IMMP2L: variants seen among roughly 807,000 people sequenced by gnomAD.
IMMP2L encodes the protein mitochondrial inner membrane protease subunit 2.
Under a neutral mutation model 19.3 loss-of-function variants are expected in IMMP2L, and 18 were observed. That is an observed-to-expected ratio of 0.93 (90% CI 0.64 to 1.38). The LOEUF (loss-of-function observed/expected upper bound fraction) is 1.38, where lower values mean the gene tolerates loss of function less well. Ranked by LOEUF, IMMP2L falls within the 40% of genes most tolerant of loss-of-function variation. The probability of loss-of-function intolerance (pLI) is 0.00; values close to 1 mark genes in which losing one functional copy is unlikely to be tolerated. For missense variants in IMMP2L, 233 were observed against 218.2 expected (o/e 1.07, Z -0.43); for synonymous variants, 76 against 73.0 (o/e 1.04, Z -0.21).
At chr7:110,730,994 C>A (rs1796241124) in intron 5 of IMMP2L, among the ~76,000 whole-genome samples, 1 of 152,138 alleles carries the variant, frequency 6.6e-6, no homozygotes, top group Non-Finnish European at 1.5e-5. Context: ...AAAACTAAAT[C>A]ATAATTAAAC....
chr7:111,213,483 G>C lies in IMMP2L; in HGVS notation c.240-249918C>G, dbSNP rs1811555215. 6.6e-6 allele frequency among the ~76,000 whole-genome samples: 1 copy of C among 152,144 alleles called. No individual in the cohort carries two copies. Among genetic ancestry groups the C allele is most frequent in the Admixed American group, 6.5e-5 (1 of 15,286 alleles). On this transcript the variant is annotated intron_variant, in intron 3 of 5. Transcript: ENST00000405709. The surrounding 1 kb of genome is among the most constrained non-coding windows in gnomAD (Gnocchi z 4.8). ...CTAGCAAGGCCCCACCTTCAAGCTG[G>C]GGAGGGCCTGAAGCCCTCCAGGGGC...
chr7:111,124,343 CT>C, intron 3 of IMMP2L: 1 of 1,613,646 alleles, frequency 6.2e-7, no homozygotes, highest in Non-Finnish European at 8.5e-7. Flanking sequence ...AACAATGGCT[CT>C]TTGAATATTA....
At chr7:111,500,184 A>G (rs2132423493) in intron 2 of IMMP2L, among the ~76,000 whole-genome samples, 1 of 152,284 alleles carries the variant, frequency 6.6e-6, no homozygotes, top group Admixed American at 6.5e-5. Context: ...AGAGGGTCCT[A>G]TGCCCATGGA....
intron 5 of IMMP2L, among the ~76,000 whole-genome samples, chr7:110,732,077 C>T (rs1392465535): frequency 3.3e-5 from 5 of 151,874 alleles, no homozygotes; most frequent in Admixed American, 1.3e-4. Context: ...CTGGGTGGGG[C>T]GGGGTTGGAG....
chr7:111,161,837 T>C (rs1805295735), intron 3 of IMMP2L, among the ~76,000 whole-genome samples: 1 of 152,068 alleles, frequency 6.6e-6, no homozygotes, highest in African/African-American at 2.4e-5. Flanking sequence ...TTTATTCATT[T>C]CATTATAAAT....
chr7:111,176,067 T>C (rs374945009), intron 3 of IMMP2L, among the ~76,000 whole-genome samples: 3 of 151,872 alleles, frequency 2.0e-5, no homozygotes, highest in African/African-American at 7.3e-5. Context: ...GAAACTACAA[T>C]GAGATAACAT....
rs75743323 is a variant in IMMP2L, at chr7:111,229,015, G to A, written c.239+258223C>T. Among the ~76,000 whole-genome samples, 416 of 148,758 alleles carry A rather than the reference G, an allele frequency of 2.8e-3. 2 individuals carry two copies. The highest frequency in any genetic ancestry group is 9.0e-3 in the African/African-American group (363 of 40,346). On this transcript the variant is annotated intron_variant, in intron 3 of 5. Coordinates refer to ENST00000405709, the MANE Select transcript of IMMP2L (RefSeq NM_032549.4). ...TGTGTGTGTGTGTGTGTATCAGCCCGAAACCTCAGAATTGCTAGTTTTTTT... is the reference window on the plus strand; with the variant it reads ...TGTGTGTGTGTGTGTGTATCAGCCCAAAACCTCAGAATTGCTAGTTTTTTT...
At chr7:111,392,158 T>C in intron 3 of IMMP2L, 5 of 603,952 alleles carry the variant, frequency 8.3e-6, no homozygotes, top group Admixed American at 2.8e-5. Flanking sequence ...AGCCCCAAAG[T>C]CACATGGGCA....
chr7:110,699,256 T>A (rs1794090469), intron 5 of IMMP2L, among the ~76,000 whole-genome samples: 1 of 152,158 alleles, frequency 6.6e-6, no homozygotes, highest in African/African-American at 2.4e-5. Context: ...CTCAACTGAA[T>A]CTCTAAGTAC....
chr7:111,221,863 A>G (rs1368356138), intron 3 of IMMP2L, among the ~76,000 whole-genome samples: 1 of 152,056 alleles, frequency 6.6e-6, no homozygotes, highest in African/African-American at 2.4e-5. Flanking sequence ...TATCATTATT[A>G]GAATAGCATA....
intron 4 of IMMP2L, among the ~76,000 whole-genome samples, chr7:110,956,217 C>T (rs1399958599): frequency 6.6e-6 from 1 of 151,966 alleles, no homozygotes; most frequent in East Asian, 1.9e-4. Flanking sequence ...TCCTTAGACT[C>T]AAAGACAAAT....
At chr7:110,802,201 A>T (rs1801299593) in intron 5 of IMMP2L, among the ~76,000 whole-genome samples, 1 of 152,042 alleles carries the variant, frequency 6.6e-6, no homozygotes. Flanking sequence ...ATTAAAAGGA[A>T]GCTTACATTA....
chr7:110,757,514 G>C lies in IMMP2L; in HGVS notation c.409-93793C>G, dbSNP rs974091685. On this transcript the variant is annotated intron_variant, in intron 5 of 5. Coordinates refer to ENST00000405709, the MANE Select transcript of IMMP2L (RefSeq NM_032549.4). This position sits in a 1 kb window ranked among gnomAD's most constrained non-coding sequence, Gnocchi z 4.2. The stretch of plus-strand genomic sequence containing the variant: ...AGGAGGTTATGTGGATTGTAGTAGT[G>C]GGCTCCTTTGCCCTCTGGCTTCCGA... Among the ~76,000 whole-genome samples, 1 of 151,998 alleles carries C rather than the reference G, an allele frequency of 6.6e-6. No homozygotes were observed. The highest frequency in any genetic ancestry group is 6.6e-5 in the Admixed American group (1 of 15,220).
intron 3 of IMMP2L, among the ~76,000 whole-genome samples, chr7:111,336,254 A>G (rs893903137): frequency 6.7e-6 from 1 of 150,238 alleles, no homozygotes. Context: ...GGGTCCCACT[A>G]TGTTGCCCAG....
chr7:111,443,793 A>G (rs1837996689), intron 3 of IMMP2L, among the ~76,000 whole-genome samples: 1 of 152,130 alleles, frequency 6.6e-6, no homozygotes, highest in African/African-American at 2.4e-5. Flanking sequence ...CTTTAAACTT[A>G]GTGTATTTTC....
intron 1 of IMMP2L, among the ~76,000 whole-genome samples, chr7:111,522,138 G>T (rs560593036): frequency 6.6e-6 from 1 of 152,188 alleles, no homozygotes; most frequent in East Asian, 1.9e-4. Flanking sequence ...CTTACATTTG[G>T]ACTGTTAAAT....
intron 3 of IMMP2L, among the ~76,000 whole-genome samples, chr7:111,073,267 G>C (rs1795112960): frequency 6.6e-6 from 1 of 152,108 alleles, no homozygotes; most frequent in African/African-American, 2.4e-5. Context: ...TATGTGTGTG[G>C]TGGGGGAGAC....
At position 110,852,199 on chromosome 7, in the gene IMMP2L, AGGATGGAT is replaced by A. The variant is rs35319498; in HGVS notation, c.408+34386_408+34393del. On this transcript the variant is annotated intron_variant, in intron 5 of 5. Transcript: ENST00000405709. Reference sequence around the variant, plus strand: ...GCCACAGGATGGATGGGTGGATGGAAGGATGGATGGATGGATGGATGGATGGATGGATG... The same window carrying A: ...GCCACAGGATGGATGGGTGGATGGAAGGATGGATGGATGGATGGATGGATG... Among the ~76,000 whole-genome samples the A allele has an allele frequency of 8.1e-3, 1,205 of 148,844 alleles. 19 individuals are homozygous for A. The highest frequency in any genetic ancestry group is 0.026 in the African/African-American group (1,047 of 40,438).
chr7:111,452,741 G>C (rs1013428289), intron 3 of IMMP2L, among the ~76,000 whole-genome samples: 2 of 151,988 alleles, frequency 1.3e-5, no homozygotes, highest in Non-Finnish European at 1.5e-5. Flanking sequence ...GGTTGCTATA[G>C]CTCTCCAATT....
Sources: gnomAD v4.1 joint callset for allele counts (sites outside exome capture counted in the v4.1 genomes callset) on GRCh38, gnomAD v4.1.1 for gene constraint, Gnocchi (gnomAD v3.1) non-coding constraint, MANE v1.5 for transcripts, NCBI Gene and HGNC (gene_info 2026-07-23, HGNC 2026-07-21) for gene names.